The following DNAH12 variants were observed in gnomAD, a reference collection of about 807,000 sequenced individuals.
The protein encoded by DNAH12 is dynein axonemal heavy chain 12.
DNAH12 carries 285 observed loss-of-function variants against 371.5 expected under a neutral mutation model. The ratio of observed to expected loss-of-function variants is 0.77; its 90% confidence interval spans 0.70 to 0.85. The LOEUF is 0.85. Ranked by LOEUF, DNAH12 falls within the 40% of genes least tolerant of loss-of-function variation. The pLI, the probability that DNAH12 is intolerant of heterozygous loss-of-function variation, is 0.00. For synonymous variants in DNAH12, 1,200 were observed against 1,213.0 expected (o/e 0.99, Z 0.22); for missense variants, 3,611 against 3,689.4 (o/e 0.98, Z 0.55).
intron 43 of DNAH12, among the ~76,000 whole-genome samples, chr3:57,401,091 A>T (rs1329701672): frequency 2.0e-5 from 3 of 152,236 alleles, no homozygotes; most frequent in Non-Finnish European, 4.4e-5. Context: ...TATGAAAATT[A>T]AACTGTTAAT....
chr3:57,460,198 G>T (rs530033198), intron 19 of DNAH12, among the ~76,000 whole-genome samples: 1 of 152,172 alleles, frequency 6.6e-6, no homozygotes, highest in South Asian at 2.1e-4. Context: ...CTAATGTCTA[G>T]TGGGTAGAGG....
intron 62 of DNAH12, among the ~76,000 whole-genome samples, chr3:57,331,856 T>C (rs1430284266): frequency 6.6e-6 from 1 of 152,098 alleles, no homozygotes; most frequent in African/African-American, 2.4e-5. Context: ...TCCCCTACCC[T>C]CTACATCTGA....
In DNAH12 at chr3:57,405,041, C is replaced by A. The variant is rs1051493013; in HGVS notation, c.6683G>T (p.Ser2228Ile). The A allele has an allele frequency of 4.1e-5, 63 of 1,546,414 alleles. No homozygotes were observed. Among genetic ancestry groups the A allele is most frequent in the Non-Finnish European group, 5.4e-5 (62 of 1,145,420 alleles). The change falls in exon 42 of 74, where the codon AGT becomes ATT. Residue 2228 changes from serine (S) to isoleucine (I), a missense_variant. Around this residue, in one of 3 missense-constraint regions of DNAH12, gnomAD observed 2,266 missense variants for 2,236.9 expected, o/e 1.01. Transcript: ENST00000495027. The part of the protein sequence containing the change: ...YIEIPNIHHF[S>I]DVVDQCLDEY... ...ATCTAAGCACTGGTCCACAACATCACTAAAATGATGAATATTTGGAATTTC... is the reference window on the plus strand; with the variant it reads ...ATCTAAGCACTGGTCCACAACATCAATAAAATGATGAATATTTGGAATTTC...
chr3:57,365,845 T>G (rs2063039047), intron 57 of DNAH12, among the ~76,000 whole-genome samples: 1 of 117,602 alleles, frequency 8.5e-6, no homozygotes, highest in African/African-American at 3.6e-5. Flanking sequence ...CTTATTAATA[T>G]CTTGTGTGTG....
upstream of DNAH12, among the ~76,000 whole-genome samples, chr3:57,545,157 G>A (rs1389265598): frequency 7.4e-6 from 1 of 135,498 alleles, no homozygotes; most frequent in African/African-American, 3.1e-5. Context: ...TATAAATAAT[G>A]TGACTTTTTT....
Position 57,317,505 on chromosome 3 carries a change from T to C in DNAH12, c.10525-2874A>G, listed in dbSNP as rs75160002. ...TGTGACTGGCTTAGTTCACTTAGGA[T>C]AATGTCTTCAAGTTTTATCCATGTT... is the stretch of plus-strand genomic sequence containing the variant. On this transcript the variant is annotated intron_variant, in intron 65 of 73. Transcript: ENST00000495027. Among the ~76,000 whole-genome samples, 5 of 152,320 alleles carry C rather than the reference T, an allele frequency of 3.3e-5. No individual in the cohort carries two copies. In the East Asian group the frequency reaches 9.6e-4, roughly 29 times the overall value.
rs148800524 is a variant in DNAH12 at position 57,506,083 on chromosome 3, A to G, written c.897+1560T>C. On this transcript the variant is annotated intron_variant, in intron 8 of 73. Transcript: ENST00000495027. ...TTTAATAGAATATCAACAATCTTAAAATGGTGACTCAGAACTTTTCACATT... is the reference window on the plus strand; with the variant it reads ...TTTAATAGAATATCAACAATCTTAAGATGGTGACTCAGAACTTTTCACATT... Among the ~76,000 whole-genome samples the G allele has an allele frequency of 3.5e-3, 540 of 152,262 alleles. 3 individuals are homozygous for G. Among genetic ancestry groups the G allele is most frequent in the African/African-American group, 0.013 (524 of 41,546 alleles).
intron 59 of DNAH12, among the ~76,000 whole-genome samples, chr3:57,356,444 AAAATAAATAAATAAAT>A (rs1174174898): frequency 0.025 from 3,479 of 137,854 alleles, 65 homozygotes; most frequent in Admixed American, 0.037. Context: ...CCTTGTCTCA[AAAATAAATAAATAAAT>A]AAATAAATAA....
chr3:57,516,099 C>T (rs890870913), intron 4 of DNAH12, among the ~76,000 whole-genome samples: 2 of 138,178 alleles, frequency 1.4e-5, no homozygotes, highest in African/African-American at 2.7e-5. Flanking sequence ...AGTCTCCCTC[C>T]GTCGCCCAGG....
At chr3:57,310,183 T>G (rs1478869047) in intron 67 of DNAH12, among the ~76,000 whole-genome samples, 1 of 152,166 alleles carries the variant, frequency 6.6e-6, no homozygotes, top group Non-Finnish European at 1.5e-5. Flanking sequence ...CTTCCACTAG[T>G]TTCCCCCATA....
At chr3:57,407,711 A>T (rs542042594) in intron 40 of DNAH12, among the ~76,000 whole-genome samples, 1 of 152,316 alleles carries the variant, frequency 6.6e-6, no homozygotes, top group South Asian at 2.1e-4. Flanking sequence ...AACAGAGGCA[A>T]ATAACACACC....
chr3:57,445,198 G>T lies in DNAH12; in HGVS notation c.4401C>A (p.Tyr1467Ter). ...CAAGTATATCTTCATTTTCATTTGG[G>T]TATTTTAGTTTTAGATTGCCAGCAG... ...LVAAGNLKLKYPNENEDILLL... is the reference protein window; with the variant it reads ...LVAAGNLKLK Residue 1467 changes from tyrosine (Y) to a stop codon, truncating the protein, a stop_gained, in exon 28 of 74, where the codon TAC becomes TAA. Transcript: ENST00000495027. LOFTEE classifies it high-confidence loss of function. 6.5e-7 allele frequency: 1 copy of T among 1,545,432 alleles called. No individual in the cohort carries two copies.
intron 11 of DNAH12, among the ~76,000 whole-genome samples, chr3:57,494,545 G>A (rs2067243723): frequency 6.6e-6 from 1 of 151,912 alleles, no homozygotes; most frequent in Non-Finnish European, 1.5e-5. Context: ...CTGGGCAACA[G>A]AGTGAGACCC....
At chr3:57,303,110 C>T (rs776624064) in intron 69 of DNAH12, among the ~76,000 whole-genome samples, 2 of 151,458 alleles carry the variant, frequency 1.3e-5, no homozygotes, top group African/African-American at 4.8e-5. Context: ...GAGGCCGACG[C>T]GGGTGCATCA....
chr3:57,453,825 C>T (rs749163418), intron 23 of DNAH12, among the ~76,000 whole-genome samples: 3 of 152,078 alleles, frequency 2.0e-5, no homozygotes, highest in South Asian at 2.1e-4. Context: ...CCACCCACCT[C>T]GGTCTCCCAA....
chr3:57,539,053 C>T (rs1028146671), intron 2 of DNAH12, among the ~76,000 whole-genome samples: 10 of 152,168 alleles, frequency 6.6e-5, no homozygotes, highest in African/African-American at 2.4e-4. Flanking sequence ...CTCTTGTAAA[C>T]CTACTTTCCT....
intron 17 of DNAH12, among the ~76,000 whole-genome samples, chr3:57,464,406 C>T (rs1397256297): frequency 6.6e-6 from 1 of 152,054 alleles, no homozygotes; most frequent in African/African-American, 2.4e-5. Flanking sequence ...CGTCCGCATT[C>T]ATTAAGGGCA....
At chr3:57,349,613 C>T (rs2062624679) in intron 60 of DNAH12, among the ~76,000 whole-genome samples, 1 of 152,140 alleles carries the variant, frequency 6.6e-6, no homozygotes, top group African/African-American at 2.4e-5. Flanking sequence ...CATATATATA[C>T]CACAAAATAC....
Position 57,389,157 on chromosome 3 carries a change from T to C in DNAH12, c.7306-1938A>G, listed in dbSNP as rs986101607. ...TTAGTGTTTGTCACCAGTTCATGTA[T>C]ATTTTATCTTGTGTATATTTACTTC... On this transcript the variant is annotated intron_variant, in intron 45 of 73. Coordinates refer to ENST00000495027, the MANE Select transcript of DNAH12 (RefSeq NM_001366028.2). Among the ~76,000 whole-genome samples the C allele has an allele frequency of 1.4e-4, 22 of 152,264 alleles. No homozygotes were observed. The East Asian group carries it at 3.7e-3, about 25-fold the overall frequency.
Sources: allele counts gnomAD v4.1 joint callset (sites outside exome capture counted in the v4.1 genomes callset), GRCh38; gene constraint gnomAD v4.1.1; regional missense constraint gnomAD v4.1.1; transcripts MANE v1.5; gene names NCBI Gene and HGNC (gene_info 2026-07-23, HGNC 2026-07-21).